EFCAB8: variants seen among roughly 807,000 people sequenced by gnomAD.
The protein encoded by EFCAB8 is EF-hand calcium binding domain 8, also known as EF-hand calcium-binding domain-containing protein 8.
EFCAB8 carries 100 observed loss-of-function variants against 116.3 expected under a neutral mutation model. The observed-to-expected ratio is 0.86, with a 90% CI of 0.73 to 1.02. EFCAB8 has a LOEUF of 1.02. Among genes scored for constraint, EFCAB8 ranks in the 50% least tolerant of loss-of-function variants. EFCAB8 has a pLI of 0.00. For synonymous variants in EFCAB8, 558 were observed against 567.9 expected (o/e 0.98, Z 0.25); for missense variants, 1,320 against 1,416.9 (o/e 0.93, Z 1.10).
chr20:32,867,882 C>G (rs1199281882), intron 3 of EFCAB8, 135 bp downstream of exon 3: 1 of 1,043,492 alleles, frequency 9.6e-7, no homozygotes. Context: ...GCTCTGTCAC[C>G]CAGTCTGGAG....
In EFCAB8 at chr20:32,890,167, A is replaced by G. The variant is rs6058939; in HGVS notation, c.673+761A>G. 3.6e-3 allele frequency among the ~76,000 whole-genome samples: 553 copies of G among 152,168 alleles called. 3 individuals carry two copies. The highest frequency in any genetic ancestry group is 0.013 in the African/African-American group (534 of 41,488). The stretch of plus-strand genomic sequence containing the variant: ...GGTCTGTGAGGCCTTCAGAGGTCTG[A>G]GCCCTGCCGCCTCCAGTAGTCTCCA... On this transcript the variant is annotated intron_variant, in intron 7 of 26. Coordinates refer to ENST00000400522, the MANE Select transcript of EFCAB8 (RefSeq NM_001143967.2).
chr20:32,919,567 G>A (rs1452026767), intron 19 of EFCAB8, among the ~76,000 whole-genome samples: 2 of 152,058 alleles, frequency 1.3e-5, no homozygotes, highest in Non-Finnish European at 2.9e-5. Flanking sequence ...CGTGGTCTTC[G>A]CTCAGTGCAA....
chr20:32,927,884 G>A (rs1294754553), intron 20 of EFCAB8, among the ~76,000 whole-genome samples: 1 of 151,978 alleles, frequency 6.6e-6, no homozygotes, highest in African/African-American at 2.4e-5. Context: ...CCATTTTTAA[G>A]TGTATGGTTC....
intron 22 of EFCAB8, among the ~76,000 whole-genome samples, chr20:32,939,697 T>C (rs1488365520): frequency 1.5e-4 from 21 of 138,598 alleles, no homozygotes; most frequent in African/African-American, 4.9e-4. Flanking sequence ...CTCTCTCTCT[T>C]TTTTTTTTCT....
intron 23 of EFCAB8, among the ~76,000 whole-genome samples, chr20:32,953,228 G>A (rs1988852492): frequency 6.6e-6 from 1 of 152,072 alleles, no homozygotes; most frequent in African/African-American, 2.4e-5. Flanking sequence ...ATCTGTTAAT[G>A]GACACTTTAG....
At chr20:32,910,840 C>T (rs746874939) in intron 15 of EFCAB8, among the ~76,000 whole-genome samples, 3 of 145,714 alleles carry the variant, frequency 2.1e-5, no homozygotes, top group Non-Finnish European at 3.0e-5. Context: ...CGGGTTCAAG[C>T]GATTCTCCTG....
At chr20:32,886,860 C>G (rs6141355) in intron 6 of EFCAB8, among the ~76,000 whole-genome samples, 90,649 of 152,012 alleles carry the variant, frequency 0.6, 28,366 homozygotes, top group Middle Eastern at 0.73. Context: ...CAGATGGAGA[C>G]ACCTCAAGTT....
At chr20:32,945,725 T>C (rs1262693729) in intron 23 of EFCAB8, among the ~76,000 whole-genome samples, 1 of 152,218 alleles carries the variant, frequency 6.6e-6, no homozygotes, top group Non-Finnish European at 1.5e-5. Context: ...AGTCTTTATA[T>C]ACTGGCTTCA....
Position 32,961,615 on chromosome 20 carries a change from TC to T in EFCAB8, c.*8del. On this transcript the variant is annotated 3_prime_UTR_variant, in exon 27 of 27. Coordinates refer to ENST00000400522, the MANE Select transcript of EFCAB8 (RefSeq NM_001143967.2). ...GCTCCCATGTCAGGTTCTGAGGTGC[TC>T]CGCTGTCTTCTCTAGTCCTCCAGCA... The T allele has an allele frequency of 7.6e-7, 1 of 1,309,270 alleles. No homozygotes were observed. Among genetic ancestry groups the T allele is most frequent in the Non-Finnish European group, 9.7e-7 (1 of 1,027,806 alleles). 81.1% of individuals were successfully genotyped at this position (1,309,270 alleles called of 1,614,324 possible).
intron 1 of EFCAB8, 136 bp downstream of exon 1, chr20:32,859,142 T>C (rs1164291701): frequency 2.4e-6 from 1 of 424,566 alleles, no homozygotes; most frequent in Non-Finnish European, 4.8e-6. Context: ...TATCCTTAAG[T>C]CATCTGCCTC....
rs1289363483 is a variant in EFCAB8, at chr20:32,931,165, A to G, written c.2632-13A>G. 10 of 1,528,006 alleles carry G rather than the reference A, an allele frequency of 6.5e-6. 1 individual carries two copies. Among genetic ancestry groups the G allele is most frequent in the Non-Finnish European group, 8.8e-6 (10 of 1,135,386 alleles). The allele number at this position is 1,528,006 out of a possible 1,614,324, so 94.7% of individuals were successfully genotyped here. On this transcript the variant is annotated splice_polypyrimidine_tract_variant and intron_variant, in intron 21 of 26. Transcript: ENST00000400522. ...AAGGGGTGTGAGGCCACTAACCCAC[A>G]CTTTATGTCTAGATCTGGGACATCA... is the stretch of plus-strand genomic sequence containing the variant.
chr20:32,885,896 G>T (rs192235955), intron 6 of EFCAB8, among the ~76,000 whole-genome samples: 7 of 152,326 alleles, frequency 4.6e-5, no homozygotes, highest in Admixed American at 2.6e-4. Context: ...GCCCAAACAG[G>T]TGTCCCTTTA....
intron 5 of EFCAB8, among the ~76,000 whole-genome samples, chr20:32,881,515 G>A (rs1395178809): frequency 1.3e-5 from 2 of 152,206 alleles, no homozygotes; most frequent in Non-Finnish European, 2.9e-5. Context: ...CTTGCTCTGA[G>A]AACTCCTTCG....
At chr20:32,866,573 G>A (rs1290835275) in intron 2 of EFCAB8, among the ~76,000 whole-genome samples, 1 of 151,982 alleles carries the variant, frequency 6.6e-6, no homozygotes, top group Non-Finnish European at 1.5e-5. Context: ...AAGTGAGGGA[G>A]AACCCCCAGT....
chr20:32,886,212 T>C (rs886364412), intron 6 of EFCAB8, among the ~76,000 whole-genome samples: 11 of 152,192 alleles, frequency 7.2e-5, no homozygotes, highest in African/African-American at 2.4e-4. Flanking sequence ...CAGTGCTTCT[T>C]TACAGTCCTT....
chr20:32,896,703 C>T (rs1986178497), intron 10 of EFCAB8, among the ~76,000 whole-genome samples, 176 bp downstream of exon 10: 1 of 152,212 alleles, frequency 6.6e-6, no homozygotes, highest in Non-Finnish European at 1.5e-5. Flanking sequence ...CTGCAGACCA[C>T]ATCTCTGTGG....
At chr20:32,952,965 A>G (rs989159614) in intron 23 of EFCAB8, among the ~76,000 whole-genome samples, 9 of 152,170 alleles carry the variant, frequency 5.9e-5, no homozygotes, top group African/African-American at 1.9e-4. Context: ...GTCATTGAAC[A>G]TACTCCTCCA....
At chr20:32,885,688 C>T in intron 6 of EFCAB8, 48 bp downstream of exon 6, 1 of 1,542,904 alleles carries the variant, frequency 6.5e-7, no homozygotes, top group East Asian at 2.5e-5. Flanking sequence ...ATTGGAGAGC[C>T]TCTGCCTTAG....
In EFCAB8 at chr20:32,885,563, G is replaced by A. The variant is rs1490549381; in HGVS notation, c.490G>A (p.Gly164Arg). ...VFLIHRFKKIGCFLTVTKDGI... is the reference protein window; with the variant it reads ...VFLIHRFKKIRCFLTVTKDGI... The stretch of plus-strand genomic sequence containing the variant: ...TTTAATCCACCGGTTCAAGAAGATC[G>A]GGTGTTTCCTGACTGTCACCAAAGA... The change falls in exon 6 of 27, where the codon GGG becomes AGG. Residue 164 changes from glycine to arginine, a missense_variant. Coordinates refer to ENST00000400522, the MANE Select transcript of EFCAB8 (RefSeq NM_001143967.2). The A allele has an allele frequency of 8.4e-6, 13 of 1,551,632 alleles. No individual in the cohort carries two copies. Among genetic ancestry groups the A allele is most frequent in the Admixed American group, 5.9e-5 (3 of 50,982 alleles).
Sources: gnomAD v4.1 joint callset for allele counts (sites outside exome capture counted in the v4.1 genomes callset) on GRCh38, gnomAD v4.1.1 for gene constraint, MANE v1.5 for transcripts, NCBI Gene and HGNC (gene_info 2026-07-23, HGNC 2026-07-21) for gene names.